RFX3: variants seen among roughly 807,000 people sequenced by gnomAD.
The protein encoded by RFX3 is transcription factor RFX3.
In RFX3, 14 loss-of-function variants were observed where a neutral mutation model predicts 98.6. The observed-to-expected ratio is 0.14, with a 90% CI of 0.09 to 0.22. The LOEUF (loss-of-function observed/expected upper bound fraction) is 0.22, where lower values mean the gene tolerates loss of function less well. Among genes scored for constraint, RFX3 ranks in the 10% least tolerant of loss-of-function variants. The pLI, the probability that RFX3 is intolerant of heterozygous loss-of-function variation, is 1.00. For missense variants in RFX3, 639 were observed against 926.9 expected (o/e 0.69, Z 4.03); for synonymous variants, 383 against 328.4 (o/e 1.17, Z -1.80).
chr9:3,250,424 C>T (rs1427135023), intron 14 of RFX3, among the ~76,000 whole-genome samples: 1 of 151,946 alleles, frequency 6.6e-6, no homozygotes, highest in African/African-American at 2.4e-5. Flanking sequence ...GTAAGATACC[C>T]TATATAATCT....
At chr9:3,247,950 T>C (rs200406593) in intron 15 of RFX3, 82 bp downstream of exon 15, 2 of 1,613,594 alleles carry the variant, frequency 1.2e-6, no homozygotes, top group Non-Finnish European at 1.7e-6. Context: ...ATGGTTTTAA[T>C]CAATAATGTA....
intron 1 of RFX3, among the ~76,000 whole-genome samples, chr9:3,510,515 G>C: frequency 6.6e-6 from 1 of 151,932 alleles, no homozygotes; most frequent in East Asian, 1.9e-4. Context: ...TGTAGTACTG[G>C]TCAAATTTAA....
chr9:3,518,439 G>A (rs1036253156), intron 1 of RFX3, among the ~76,000 whole-genome samples: 2 of 152,138 alleles, frequency 1.3e-5, no homozygotes, highest in African/African-American at 2.4e-5. Flanking sequence ...AACACTTAAC[G>A]GGAGTGGGGA....
chr9:3,293,089 C>A lies in RFX3; in HGVS notation c.719G>T (p.Arg240Ile). The A allele has an allele frequency of 6.2e-7, 1 of 1,611,594 alleles. No individual in the cohort carries two copies. The highest frequency in any genetic ancestry group is 8.5e-7 in the Non-Finnish European group (1 of 1,178,816). Residue 240 changes from arginine to isoleucine, a missense_variant, in exon 6 of 17, where the codon AGA becomes ATA. Coordinates refer to ENST00000617270, the MANE Select transcript of RFX3 (RefSeq NM_001282116.2). ...TTTCAATACTAACCTAGTGCCCAAT[C>A]TCCTGGTTCGTAGCCCCATAAAAAT... The part of the protein sequence containing the change: ...RSIFMGLRTR[R>I]LGTRGNSKYH...
rs188652237 is a variant in RFX3, at chr9:3,380,329, C to T, written c.117+15143G>A. 2.6e-5 allele frequency among the ~76,000 whole-genome samples: 4 copies of T among 152,316 alleles called. No homozygotes were observed. In the East Asian group the frequency reaches 7.7e-4, roughly 29 times the overall value. On this transcript the variant is annotated intron_variant, in intron 2 of 16. Transcript: ENST00000617270. ...AAAGTTTCCCACAGCTTCCTCCTCCCACCAACTGACTCACCTCTTTGCTCC... is the reference window on the plus strand; with the variant it reads ...AAAGTTTCCCACAGCTTCCTCCTCCTACCAACTGACTCACCTCTTTGCTCC...
At chr9:3,239,293 C>T (rs1158547813) in intron 15 of RFX3, among the ~76,000 whole-genome samples, 1 of 152,124 alleles carries the variant, frequency 6.6e-6, no homozygotes, top group African/African-American at 2.4e-5. Flanking sequence ...CCTTGTGTTC[C>T]TTGGTTACTT....
intron 1 of RFX3, among the ~76,000 whole-genome samples, chr9:3,519,272 G>A (rs1291096963): frequency 6.6e-6 from 1 of 152,144 alleles, no homozygotes; most frequent in Non-Finnish European, 1.5e-5. Flanking sequence ...AATTCAGTGT[G>A]ATAAGACTGG....
chr9:3,524,868 CACACACA>C (rs1564205461), intron 1 of RFX3, among the ~76,000 whole-genome samples: 75 of 131,884 alleles, frequency 5.7e-4, no homozygotes, highest in South Asian at 5.5e-3. Context: ...CACACACACA[CACACACA>C]CACCAAAGAA....
chr9:3,251,688 T>C (rs562216436), intron 14 of RFX3, among the ~76,000 whole-genome samples: 9 of 152,178 alleles, frequency 5.9e-5, no homozygotes, highest in African/African-American at 1.9e-4. Flanking sequence ...AATAAAAATA[T>C]TTATTTTAAA....
chr9:3,275,604 G>A lies in RFX3; in HGVS notation c.982C>T (p.Arg328Ter). 1 of 1,600,104 alleles carries A rather than the reference G, an allele frequency of 6.2e-7. No individual in the cohort carries two copies. Among genetic ancestry groups the A allele is most frequent in the Non-Finnish European group, 8.6e-7 (1 of 1,167,756 alleles). The change falls in exon 9 of 17, where the codon CGA (arginine) becomes TGA (stop). Residue 328 changes from arginine to a stop codon, truncating the protein, a stop_gained. Coordinates refer to ENST00000617270, the MANE Select transcript of RFX3 (RefSeq NM_001282116.2). LOFTEE classifies it high-confidence loss of function. ...ACTTCTCCAAACTCTGGAAGTGCTC[G>A]AGATGCATCTGTTACCGTGACAACA... The part of the protein sequence containing the change: ...QHHQQFLDAS[R>*]ALPEFGEVEI...
Position 3,285,603 on chromosome 9 carries a change from C to A in RFX3, c.851+2528G>T, listed in dbSNP as rs371745680. 1.1e-4 allele frequency among the ~76,000 whole-genome samples: 17 copies of A among 151,604 alleles called. No homozygotes were observed. In the East Asian group the frequency reaches 2.7e-3, roughly 24 times the overall value. On this transcript the variant is annotated intron_variant, in intron 7 of 16. Transcript: ENST00000617270. ...TGCTGCCCTATAAGAGAGGCCCATG[C>A]AATTGGCAACAGTAACACTGCAATC...
At chr9:3,380,803 C>T (rs1361540501) in intron 2 of RFX3, among the ~76,000 whole-genome samples, 1 of 152,108 alleles carries the variant, frequency 6.6e-6, no homozygotes, top group Non-Finnish European at 1.5e-5. Context: ...TTAGATTTAA[C>T]ACAATTAGTT....
At chr9:3,274,044 T>C (rs1020071251) in intron 9 of RFX3, among the ~76,000 whole-genome samples, 1 of 152,164 alleles carries the variant, frequency 6.6e-6, no homozygotes, top group African/African-American at 2.4e-5. Context: ...TTCTCTAATA[T>C]GGGTAAAAGC....
rs533285812 is a variant in RFX3, at chr9:3,221,965, T to C, written c.*3077A>G. 7.2e-5 allele frequency: 11 copies of C among 152,272 alleles called. No homozygotes were observed. Among genetic ancestry groups the C allele is most frequent in the African/African-American group, 2.6e-4 (11 of 41,564 alleles). The allele number at this position is 152,272 out of a possible 1,614,324, so 9.4% of individuals were successfully genotyped here. On this transcript the variant is annotated 3_prime_UTR_variant, in exon 17 of 17. Coordinates refer to ENST00000617270, the MANE Select transcript of RFX3 (RefSeq NM_001282116.2). ...AGAAGTCTTAAAATGTGTACTTGTG[T>C]CATTTGTGAATAAATCTGTTGAGTG...
At chr9:3,423,837 A>G (rs1843691778) in intron 1 of RFX3, among the ~76,000 whole-genome samples, 1 of 143,456 alleles carries the variant, frequency 7.0e-6, no homozygotes, top group African/African-American at 2.5e-5. Context: ...TAAAAAGAAC[A>G]AAATCTTAGA....
At chr9:3,416,204 T>C (rs1025389962) in intron 1 of RFX3, among the ~76,000 whole-genome samples, 33 of 152,314 alleles carry the variant, frequency 2.2e-4, no homozygotes, top group African/African-American at 7.5e-4. Context: ...CAGTTAATTT[T>C]GACAATCAAG....
chr9:3,304,653 A>G (rs1362137944), intron 4 of RFX3, among the ~76,000 whole-genome samples: 1 of 151,898 alleles, frequency 6.6e-6, no homozygotes, highest in Non-Finnish European at 1.5e-5. Context: ...TGGCTTTATA[A>G]AGGGTTTCCC....
At chr9:3,270,806 A>T (rs1824325208) in intron 10 of RFX3, 197 bp downstream of exon 10, 1 of 720,840 alleles carries the variant, frequency 1.4e-6, no homozygotes, top group Non-Finnish European at 2.2e-6. Flanking sequence ...CCCCCAAATC[A>T]GTACAAATGG....
intron 1 of RFX3, among the ~76,000 whole-genome samples, chr9:3,508,502 G>C (rs1040833092): frequency 1.3e-4 from 20 of 151,890 alleles, no homozygotes; most frequent in Non-Finnish European, 2.9e-4. Context: ...CAATTCATCT[G>C]AAACAGCGGC....
Sources: gnomAD v4.1 joint callset for allele counts (sites outside exome capture counted in the v4.1 genomes callset) on GRCh38, gnomAD v4.1.1 for gene constraint, MANE v1.5 for transcripts, NCBI Gene and HGNC (gene_info 2026-07-23, HGNC 2026-07-21) for gene names.